ANKRD55: variants seen among roughly 807,000 people sequenced by gnomAD.
ANKRD55 encodes the protein ankyrin repeat domain 55.
In ANKRD55, 41 loss-of-function variants were observed where a neutral mutation model predicts 60.6. The observed-to-expected ratio is 0.68, with a 90% CI of 0.53 to 0.88. ANKRD55 has a LOEUF of 0.88. Ranked by LOEUF, ANKRD55 falls within the 40% of genes least tolerant of loss-of-function variation. The probability of loss-of-function intolerance (pLI) is 0.00; values close to 1 mark genes in which losing one functional copy is unlikely to be tolerated. For synonymous variants in ANKRD55, 264 were observed against 290.3 expected (o/e 0.91, Z 0.92); for missense variants, 732 against 767.6 (o/e 0.95, Z 0.55).
rs775795041 is a variant in ANKRD55 at position 56,102,571 on chromosome 5, T to A, written c.1646A>T (p.His549Leu). Reference protein sequence around the residue: ...HNPSSGQNFQHLSPNRHKIRD... With the variant: ...HNPSSGQNFQLLSPNRHKIRD... Reference sequence around the variant, plus strand: ...GATTTTGTGTCTGTTTGGGGAAAGATGCTGAAAATTTTGTCCTGAAGATAA... The same window carrying A: ...GATTTTGTGTCTGTTTGGGGAAAGAAGCTGAAAATTTTGTCCTGAAGATAA... Residue 549 changes from histidine (H) to leucine (L), a missense_variant, in exon 11 of 12, where the codon CAT becomes CTT. His to Leu is a moderately conservative substitution (Grantham distance 99). This residue lies in a region of ANKRD55 where 597 missense variants were observed against 607.5 expected (regional missense o/e 0.98). Transcript: ENST00000341048. 11 of 1,613,286 alleles carry A rather than the reference T, an allele frequency of 6.8e-6. No individual in the cohort carries two copies. The highest frequency in any genetic ancestry group is 3.3e-5 in the Admixed American group (2 of 59,980).
Position 56,233,237 on chromosome 5 carries a change from C to A in ANKRD55, c.-34+4G>T. ...AAGATAGTAAAATTGTATGGGCCAC[C>A]TGCCTTGGATCTGGGCTGGAAAAAC... is the stretch of plus-strand genomic sequence containing the variant. On this transcript the variant is annotated splice_donor_region_variant and intron_variant, in intron 1 of 11. Transcript: ENST00000341048. 3.2e-6 allele frequency: 1 copy of A among 311,928 alleles called. No individual in the cohort carries two copies. Among genetic ancestry groups the A allele is most frequent in the South Asian group, 4.9e-5 (1 of 20,576 alleles). The allele number at this position is 311,928 out of a possible 1,614,324, so 19.3% of individuals were successfully genotyped here. A position where few individuals can be genotyped will look rare whatever the true frequency, so the allele number is the denominator to read the frequency against.
chr5:56,187,676 T>G (rs1024533366), intron 2 of ANKRD55, among the ~76,000 whole-genome samples: 38 of 152,250 alleles, frequency 2.5e-4, no homozygotes, highest in African/African-American at 9.2e-4. Flanking sequence ...AGGCTTGCCA[T>G]TGTTCCTGCA....
At chr5:56,102,411 G>T (rs1756310081) in intron 11 of ANKRD55, 83 bp downstream of exon 11, 35 of 972,154 alleles carry the variant, frequency 3.6e-5, no homozygotes, top group Non-Finnish European at 4.6e-5. Flanking sequence ...AAAGAAAAAT[G>T]AAAGTAAACG....
chr5:56,145,355 G>A (rs1325504473), intron 6 of ANKRD55, among the ~76,000 whole-genome samples: 1 of 151,988 alleles, frequency 6.6e-6, no homozygotes. Context: ...CCCAGGCCTG[G>A]GCTAGAAAAA....
intron 2 of ANKRD55, among the ~76,000 whole-genome samples, chr5:56,185,421 C>T (rs983934707): frequency 6.6e-6 from 1 of 152,024 alleles, no homozygotes; most frequent in African/African-American, 2.4e-5. Context: ...AATCGCAGCA[C>T]TTTGGGAGGC....
At chr5:56,172,131 A>C (rs912045934) in intron 4 of ANKRD55, among the ~76,000 whole-genome samples, 1 of 152,106 alleles carries the variant, frequency 6.6e-6, no homozygotes, top group Admixed American at 6.6e-5. Context: ...GAAAAAAAAA[A>C]AAAAATCAAA....
At chr5:56,137,323 A>C in intron 7 of ANKRD55, 1 of 1,545,258 alleles carries the variant, frequency 6.5e-7, no homozygotes, top group South Asian at 1.1e-5. Context: ...GTCATTGAGC[A>C]TATCCATGGG....
intron 10 of ANKRD55, among the ~76,000 whole-genome samples, chr5:56,106,002 C>CAA (rs1316109757): frequency 6.6e-6 from 1 of 152,162 alleles, no homozygotes; most frequent in East Asian, 1.9e-4. Context: ...CTCCAAATTC[C>CAA]AAGTCTCTAG....
intron 3 of ANKRD55, among the ~76,000 whole-genome samples, chr5:56,179,452 T>A (rs1758810618): frequency 6.6e-6 from 1 of 152,100 alleles, no homozygotes; most frequent in Non-Finnish European, 1.5e-5. Context: ...CAGAAAAGAA[T>A]AAAAAGGGCC....
At chr5:56,173,457 C>T (rs1006244097) in intron 4 of ANKRD55, among the ~76,000 whole-genome samples, 3 of 151,764 alleles carry the variant, frequency 2.0e-5, no homozygotes, top group Admixed American at 2.0e-4. Context: ...CTCGGCCTCC[C>T]AAAGTGCTGG....
At chr5:56,186,399 C>G (rs1423176295) in intron 2 of ANKRD55, among the ~76,000 whole-genome samples, 1 of 152,148 alleles carries the variant, frequency 6.6e-6, no homozygotes, top group African/African-American at 2.4e-5. Flanking sequence ...AATGATCCTC[C>G]CATGTTGGCT....
At chr5:56,170,570 C>T in intron 5 of ANKRD55, 124 bp downstream of exon 5, 1 of 613,572 alleles carries the variant, frequency 1.6e-6, no homozygotes, top group Non-Finnish European at 2.7e-6. Context: ...GCTGCAACTT[C>T]AAAAAAAAAA....
chr5:56,221,335 C>T (rs1245873298), intron 2 of ANKRD55, among the ~76,000 whole-genome samples: 1 of 152,198 alleles, frequency 6.6e-6, no homozygotes, highest in Non-Finnish European at 1.5e-5. Context: ...TTTAGATGAG[C>T]AGTTGGATTT....
chr5:56,176,077 T>C lies in ANKRD55; in HGVS notation c.312+75A>G, dbSNP rs1758730270. 4 of 1,576,884 alleles carry C rather than the reference T, an allele frequency of 2.5e-6. No homozygotes were observed. The Admixed American group carries it at 6.9e-5, about 27-fold the overall frequency. On this transcript the variant is annotated intron_variant, in intron 4 of 11. Coordinates refer to ENST00000341048, the MANE Select transcript of ANKRD55 (RefSeq NM_024669.3). The stretch of plus-strand genomic sequence containing the variant: ...GCTGCATAGATCCAAGAATGCTCCT[T>C]TGCAACTGGGACCCCATAATGACAC...
At chr5:56,162,253 C>T (rs1173181815) in intron 5 of ANKRD55, among the ~76,000 whole-genome samples, 1 of 152,098 alleles carries the variant, frequency 6.6e-6, no homozygotes, top group African/African-American at 2.4e-5. Flanking sequence ...GGGTGGCCTC[C>T]CAAGGTTGTG....
chr5:56,203,250 G>T (rs922711172), intron 2 of ANKRD55, among the ~76,000 whole-genome samples: 13 of 152,254 alleles, frequency 8.5e-5, no homozygotes, highest in African/African-American at 2.4e-4. Context: ...GAGGGACCTC[G>T]TGGGAGGTGA....
At position 56,232,847 on chromosome 5, in the gene ANKRD55, G is replaced by A. The variant is rs1760292938; in HGVS notation, c.58+9C>T. On this transcript the variant is annotated intron_variant, in intron 2 of 11. Transcript: ENST00000341048. ...AACAACCAAAGAATGTGTTAAAGCA[G>A]CATTTTACCTCTTTGCTGATCAAAC... The A allele has an allele frequency of 1.9e-6, 3 of 1,613,448 alleles. No individual in the cohort carries two copies. The highest frequency in any genetic ancestry group is 2.5e-6 in the Non-Finnish European group (3 of 1,179,524).
intron 2 of ANKRD55, among the ~76,000 whole-genome samples, chr5:56,229,615 C>T (rs1266014604): frequency 3.3e-5 from 5 of 152,182 alleles, no homozygotes; most frequent in Non-Finnish European, 7.3e-5. Flanking sequence ...CCATCTGTCA[C>T]CAAGACCCTG....
intron 5 of ANKRD55, among the ~76,000 whole-genome samples, chr5:56,169,346 G>A (rs1758553628): frequency 6.6e-6 from 1 of 151,798 alleles, no homozygotes; most frequent in Non-Finnish European, 1.5e-5. Context: ...AAACAGAAAA[G>A]GTACATTTTA....
Sources: gnomAD v4.1 joint callset for allele counts (sites outside exome capture counted in the v4.1 genomes callset) on GRCh38, gnomAD v4.1.1 for gene constraint, gnomAD v4.1.1 regional missense constraint, MANE v1.5 for transcripts, NCBI Gene and HGNC (gene_info 2026-07-23, HGNC 2026-07-21) for gene names.